LAMB1: variants seen among roughly 807,000 people sequenced by gnomAD.
LAMB1 encodes laminin subunit beta-1.
LAMB1 carries 121 observed loss-of-function variants against 222.3 expected under a neutral mutation model. The ratio of observed to expected loss-of-function variants is 0.54; its 90% CI spans 0.47 to 0.63. The LOEUF is 0.63. LAMB1 is among the 30% of genes least tolerant of loss of function. The pLI is 0.00. For missense variants in LAMB1, 2,172 were observed against 2,240.8 expected (o/e 0.97, Z 0.62); for synonymous variants, 794 against 807.2 (o/e 0.98, Z 0.28).
At chr7:107,929,374 C>T in intron 30 of LAMB1, 38 bp downstream of exon 30, 1 of 1,574,930 alleles carries the variant, frequency 6.3e-7, no homozygotes, top group Non-Finnish European at 8.7e-7. Flanking sequence ...ATGATAGATA[C>T]ACAAAATAAG....
At chr7:107,939,724 A>G (rs1368009948) in intron 25 of LAMB1, among the ~76,000 whole-genome samples, 1 of 152,174 alleles carries the variant, frequency 6.6e-6, no homozygotes, top group Non-Finnish European at 1.5e-5. Flanking sequence ...GACTTAGAAC[A>G]TGATTTGCAA....
intron 16 of LAMB1, 40 bp from the exon 17 acceptor site, chr7:107,961,369 A>T (rs765032427): frequency 1.7e-5 from 27 of 1,602,848 alleles, no homozygotes; most frequent in Non-Finnish European, 2.0e-5. Flanking sequence ...ACGAAAGTCA[A>T]CCTTCATGCA....
intron 15 of LAMB1, among the ~76,000 whole-genome samples, chr7:107,961,887 C>G (rs1310352517): frequency 6.6e-6 from 1 of 152,176 alleles, no homozygotes; most frequent in Non-Finnish European, 1.5e-5. Context: ...TGTTTTCTGC[C>G]TCTTCCCAAT....
chr7:107,925,731 G>A (rs986115516), intron 32 of LAMB1, among the ~76,000 whole-genome samples: 1 of 152,066 alleles, frequency 6.6e-6, no homozygotes, highest in Admixed American at 6.6e-5. Flanking sequence ...TTCAAAATGA[G>A]TCTCAAAGAG....
At chr7:107,952,452 TCA>T (rs1282653468) in intron 22 of LAMB1, among the ~76,000 whole-genome samples, 3 of 152,216 alleles carry the variant, frequency 2.0e-5, no homozygotes, top group African/African-American at 7.2e-5. Flanking sequence ...ATGACACATT[TCA>T]CCTAAAAGTA....
At chr7:107,966,916 C>A (rs1272464488) in intron 13 of LAMB1, among the ~76,000 whole-genome samples, 1 of 152,218 alleles carries the variant, frequency 6.6e-6, no homozygotes, top group Non-Finnish European at 1.5e-5. Flanking sequence ...TGTCCACAGG[C>A]TTGAATTGTC....
At chr7:107,935,377 T>C in intron 27 of LAMB1, 38 bp downstream of exon 27, 2 of 1,290,870 alleles carry the variant, frequency 1.5e-6, no homozygotes, top group East Asian at 2.8e-5. Context: ...TTTTTTTGCT[T>C]GGCACCATAG....
intron 24 of LAMB1, among the ~76,000 whole-genome samples, chr7:107,944,397 G>T (rs1010698617): frequency 2.6e-5 from 4 of 152,152 alleles, no homozygotes; most frequent in African/African-American, 9.7e-5. Flanking sequence ...AGCTAGCAGA[G>T]CTTCGGCTCT....
At position 107,953,642 on chromosome 7, in the gene LAMB1, G is replaced by A; in HGVS notation, c.2967C>T (p.Ala989=). 6.2e-7 allele frequency: 1 copy of A among 1,614,178 alleles called. No homozygotes were observed. Among genetic ancestry groups the A allele is most frequent in the East Asian group, 2.2e-5 (1 of 44,876 alleles). ...HNNIDTTDPE[A]CDKETGRCLK... ...GACACCTCCCAGTCTCCTTGTCACA[G>A]GCTTCTGGGTCTGTCGTGTCAATGT... Residue 989 remains alanine, a synonymous_variant, in exon 22 of 34, where the codon GCC becomes GCT. Transcript: ENST00000222399.
chr7:108,000,509 T>A (rs1193432800), intron 3 of LAMB1, among the ~76,000 whole-genome samples: 3 of 152,220 alleles, frequency 2.0e-5, no homozygotes, highest in African/African-American at 7.2e-5. Context: ...AACTGATACT[T>A]TCTGCTTTTG....
At chr7:107,967,229 C>T (rs1342820533) in intron 13 of LAMB1, among the ~76,000 whole-genome samples, 1 of 152,226 alleles carries the variant, frequency 6.6e-6, no homozygotes. Context: ...CCTTCTCTTT[C>T]CTTTATCCCA....
intron 25 of LAMB1, among the ~76,000 whole-genome samples, chr7:107,937,742 C>T (rs1333211520): frequency 1.3e-5 from 2 of 152,286 alleles, no homozygotes; most frequent in African/African-American, 4.8e-5. Context: ...GAGGGGAAGC[C>T]CTATAGCCTG....
At chr7:107,961,758 G>C in intron 15 of LAMB1, 82 bp from the exon 16 acceptor site, 1 of 1,446,190 alleles carries the variant, frequency 6.9e-7, no homozygotes, top group South Asian at 1.2e-5. Flanking sequence ...TCAATCAATT[G>C]CCAAGTTGAA....
chr7:107,944,818 G>A lies in LAMB1; in HGVS notation c.3392-4460C>T, dbSNP rs1317565744. The stretch of plus-strand genomic sequence containing the variant: ...AAAACTTCATGGACACTAATGTATG[G>A]AGGAGATTCTCCCATCATCTCACAC... On this transcript the variant is annotated intron_variant, in intron 24 of 33. Transcript: ENST00000222399. Among the ~76,000 whole-genome samples the A allele has an allele frequency of 2.0e-5, 3 of 152,192 alleles. No homozygotes were observed. In the East Asian group the frequency reaches 5.8e-4, roughly 29 times the overall value.
At chr7:107,971,439 T>G (rs906766019) in intron 13 of LAMB1, among the ~76,000 whole-genome samples, 7 of 152,214 alleles carry the variant, frequency 4.6e-5, no homozygotes, top group Admixed American at 3.3e-4. Flanking sequence ...CATCTCCCAG[T>G]AGAATCAGTG....
At chr7:107,926,615 A>C (rs1451127147) in intron 31 of LAMB1, among the ~76,000 whole-genome samples, 2 of 152,130 alleles carry the variant, frequency 1.3e-5, no homozygotes, top group African/African-American at 4.8e-5. Flanking sequence ...TTTTTCTGAC[A>C]GTAAAAAAAA....
At chr7:107,960,116 T>C (rs2150427665) in intron 18 of LAMB1, among the ~76,000 whole-genome samples, 1 of 152,228 alleles carries the variant, frequency 6.6e-6, no homozygotes, top group South Asian at 2.1e-4. Context: ...GGTCTGACGT[T>C]TCAAAGAGAA....
chr7:107,940,408 G>C (rs939414964), intron 24 of LAMB1, 50 bp from the exon 25 acceptor site: 31 of 1,555,430 alleles, frequency 2.0e-5, no homozygotes, highest in Non-Finnish European at 2.6e-5. Context: ...ATGAACCTCA[G>C]TGACAAGATG....
In LAMB1 at chr7:107,953,515, A is replaced by T. The variant is rs777217212; in HGVS notation, c.3079+15T>A. On this transcript the variant is annotated intron_variant, in intron 22 of 33. Coordinates refer to ENST00000222399, the MANE Select transcript of LAMB1 (RefSeq NM_002291.3). Reference sequence around the variant, plus strand: ...AGTCATTCTAAGAAGTGGGCAGAATAAATGTGCATCTTACTTCGACAGTCC... The same window carrying T: ...AGTCATTCTAAGAAGTGGGCAGAATTAATGTGCATCTTACTTCGACAGTCC... The T allele has an allele frequency of 6.4e-7, 1 of 1,567,216 alleles. No homozygotes were observed. Among genetic ancestry groups the T allele is most frequent in the South Asian group, 1.1e-5 (1 of 90,098 alleles).
Sources: allele counts gnomAD v4.1 joint callset (sites outside exome capture counted in the v4.1 genomes callset), GRCh38; gene constraint gnomAD v4.1.1; transcripts MANE v1.5; gene names NCBI Gene and HGNC (gene_info 2026-07-23, HGNC 2026-07-21).